Variants in SIRPB2 observed in about 807,000 individuals in gnomAD.
SIRPB2 encodes signal-regulatory protein beta-2.
SIRPB2 carries 18 observed loss-of-function variants against 27.1 expected under a neutral mutation model. The ratio of observed to expected loss-of-function variants is 0.66; its 90% CI spans 0.46 to 0.98. SIRPB2 has a LOEUF of 0.98. Among genes scored for constraint, SIRPB2 ranks in the 50% least tolerant of loss-of-function variants. The pLI is 0.00. For synonymous variants in SIRPB2, 150 were observed against 164.6 expected (o/e 0.91, Z 0.68); for missense variants, 420 against 417.4 (o/e 1.01, Z -0.06).
chr20:1,491,388 G>A lies in SIRPB2; in HGVS notation c.-29C>T. 1 of 1,591,460 alleles carries A rather than the reference G, an allele frequency of 6.3e-7. No homozygotes were observed. The highest frequency in any genetic ancestry group is 8.5e-7 in the Non-Finnish European group (1 of 1,169,924). ...ATCTTCTGTGGTCCCCAAGACTTGG[G>A]GCTCCTCTGCTCTCTTGTGAGTGTT... On this transcript the variant is annotated 5_prime_UTR_variant, in exon 1 of 5. Transcript: ENST00000359801.
downstream of SIRPB2, among the ~76,000 whole-genome samples, chr20:1,471,978 G>C (rs1339710836): frequency 1.3e-5 from 2 of 152,170 alleles, no homozygotes; most frequent in African/African-American, 4.8e-5. Flanking sequence ...GGGAAGGAAA[G>C]AGCTAAAGAA....
intron 1 of SIRPB2, among the ~76,000 whole-genome samples, chr20:1,486,870 T>C (rs932569848): frequency 6.6e-6 from 1 of 152,094 alleles, no homozygotes. Context: ...CTACAACAAC[T>C]CTATCAAGCT....
At chr20:1,478,628 C>T (rs754729088) in intron 2 of SIRPB2, 21 bp from the exon 3 acceptor site, 1 of 1,523,852 alleles carries the variant, frequency 6.6e-7, no homozygotes, top group East Asian at 2.3e-5. Context: ...AGAGGAGGTC[C>T]TTGTTGAATT....
At chr20:1,485,760 C>T (rs2090720035) in intron 1 of SIRPB2, among the ~76,000 whole-genome samples, 1 of 151,838 alleles carries the variant, frequency 6.6e-6, no homozygotes, top group Admixed American at 6.6e-5. Flanking sequence ...GGGACACACA[C>T]AGAAAGAACC....
rs941600021 is a variant in SIRPB2 at position 1,475,858 on chromosome 20, G to A, written c.*309C>T. The A allele has an allele frequency of 3.6e-6, 1 of 276,618 alleles. No individual in the cohort carries two copies. Among genetic ancestry groups the A allele is most frequent in the Non-Finnish European group, 6.9e-6 (1 of 145,940 alleles). 17.1% of individuals were successfully genotyped at this position (276,618 alleles called of 1,614,324 possible). Reference sequence around the variant, plus strand: ...TGTTGGAGGCCAAGAAGGATGTAGCGAGGTGGGGAAAGGGGCAGGGCGCAC... The same window carrying A: ...TGTTGGAGGCCAAGAAGGATGTAGCAAGGTGGGGAAAGGGGCAGGGCGCAC... On this transcript the variant is annotated 3_prime_UTR_variant, in exon 5 of 5. Transcript: ENST00000359801.
rs1347946787 is a variant in SIRPB2, at chr20:1,478,626, T to C, written c.452-19A>G. ...CCAGCTCCTGAAGCCAAAGAGGAGGTCCTTGTTGAATTCCCTCTCCTCTTC... is the reference window on the plus strand; with the variant it reads ...CCAGCTCCTGAAGCCAAAGAGGAGGCCCTTGTTGAATTCCCTCTCCTCTTC... On this transcript the variant is annotated intron_variant, in intron 2 of 4. Coordinates refer to ENST00000359801, the MANE Select transcript of SIRPB2 (RefSeq NM_001122962.2). 1.3e-6 allele frequency: 2 copies of C among 1,529,762 alleles called. No individual in the cohort carries two copies. Among genetic ancestry groups the C allele is most frequent in the Non-Finnish European group, 1.8e-6 (2 of 1,135,108 alleles). The allele number at this position is 1,529,762 out of a possible 1,614,324, so 94.8% of individuals were successfully genotyped here.
At chr20:1,480,445 C>A in intron 1 of SIRPB2, 1 of 199,722 alleles carries the variant, frequency 5.0e-6, no homozygotes. Flanking sequence ...TTGTGTCTCC[C>A]GAATGCACAT....
In SIRPB2 at chr20:1,476,335, G is replaced by T. The variant is rs756611904; in HGVS notation, c.861C>A (p.Gly287=). 6.2e-7 allele frequency: 1 copy of T among 1,611,450 alleles called. No homozygotes were observed. Among genetic ancestry groups the T allele is most frequent in the Non-Finnish European group, 8.5e-7 (1 of 1,179,174 alleles). ...CCACAGGTGCGAACACAACCAGGAG[G>T]CCTGGGAGGCACAGGAGAGAGCTCA... ...SEPATEMSPT[G]LLVVFAPVVL... Residue 287 remains glycine, a splice_region_variant and synonymous_variant, in exon 5 of 5, where the codon GGC becomes GGA. Coordinates refer to ENST00000359801, the MANE Select transcript of SIRPB2 (RefSeq NM_001122962.2).
intron 1 of SIRPB2, among the ~76,000 whole-genome samples, chr20:1,489,005 A>G (rs1356902814): frequency 6.6e-6 from 1 of 152,248 alleles, no homozygotes; most frequent in African/African-American, 2.4e-5. Context: ...GGGTTTATCC[A>G]TACAATGGAT....
intron 1 of SIRPB2, among the ~76,000 whole-genome samples, chr20:1,487,215 A>G (rs1195540903): frequency 6.6e-6 from 1 of 152,214 alleles, no homozygotes; most frequent in African/African-American, 2.4e-5. Context: ...CCAGTCATCA[A>G]TGTTATAAAA....
rs779550987 is a variant in SIRPB2 at position 1,477,351 on chromosome 20, C to T, written c.846G>A (p.Glu282=). The T allele has an allele frequency of 4.3e-6, 7 of 1,614,200 alleles. No individual in the cohort carries two copies. The highest frequency in any genetic ancestry group is 5.9e-6 in the Non-Finnish European group (7 of 1,180,036). The part of the protein sequence containing the change: ...EAEFTSEPAT[E]MSPTGLLVVF... Reference sequence around the variant, plus strand: ...GGGTACGCTCACCTGTTGGAGACATCTCAGTTGCAGGTTCACTGGTGAATT... The same window carrying T: ...GGGTACGCTCACCTGTTGGAGACATTTCAGTTGCAGGTTCACTGGTGAATT... Residue 282 remains glutamate, a synonymous_variant, in exon 4 of 5, where the codon GAG becomes GAA. Coordinates refer to ENST00000359801, the MANE Select transcript of SIRPB2 (RefSeq NM_001122962.2).
downstream of SIRPB2, chr20:1,472,978 A>T (rs962169585): frequency 6.6e-6 from 1 of 152,080 alleles, no homozygotes; most frequent in African/African-American, 2.4e-5. Flanking sequence ...TGTCTGCTCA[A>T]ATGTCACTTT....
Position 1,475,342 on chromosome 20 carries a change from G to A in SIRPB2, c.*825C>T, listed in dbSNP as rs1047670825. Reference sequence around the variant, plus strand: ...TTCTCTAGTGAAAACTTGCAGCTGGGCGCATTGCTGCCAGAAATAAAGACT... The same window carrying A: ...TTCTCTAGTGAAAACTTGCAGCTGGACGCATTGCTGCCAGAAATAAAGACT... On this transcript the variant is annotated 3_prime_UTR_variant, in exon 5 of 5. Coordinates refer to ENST00000359801, the MANE Select transcript of SIRPB2 (RefSeq NM_001122962.2). 1 of 152,236 alleles carries A rather than the reference G, an allele frequency of 6.6e-6. No individual in the cohort carries two copies. The highest frequency in any genetic ancestry group is 1.5e-5 in the Non-Finnish European group (1 of 68,054). 9.4% of individuals were successfully genotyped at this position (152,236 alleles called of 1,614,324 possible).
At chr20:1,474,032 G>A (rs1278933640), downstream of SIRPB2, among the ~76,000 whole-genome samples, 1 of 152,120 alleles carries the variant, frequency 6.6e-6, no homozygotes, top group Admixed American at 6.5e-5. Context: ...TCCTTAACCT[G>A]TGGTCACATA....
In SIRPB2 at chr20:1,476,073, G is replaced by A; in HGVS notation, c.*94C>T. 6 of 1,437,402 alleles carry A rather than the reference G, an allele frequency of 4.2e-6. No individual in the cohort carries two copies. The South Asian group carries it at 5.0e-5, about 12-fold the overall frequency. The allele number at this position is 1,437,402 out of a possible 1,614,324, so 89.0% of individuals were successfully genotyped here. A position where few individuals can be genotyped will look rare whatever the true frequency, so the allele number is the denominator to read the frequency against. The stretch of plus-strand genomic sequence containing the variant: ...ATCTAGGAGTTTGTCATGAGGCCTG[G>A]GGGCACCTAGAGGCTGGGACTGGAG... On this transcript the variant is annotated 3_prime_UTR_variant, in exon 5 of 5. Coordinates refer to ENST00000359801, the MANE Select transcript of SIRPB2 (RefSeq NM_001122962.2).
chr20:1,474,340 T>C (rs2090591800), downstream of SIRPB2, among the ~76,000 whole-genome samples: 1 of 152,248 alleles, frequency 6.6e-6, no homozygotes, highest in Admixed American at 6.5e-5. Flanking sequence ...CCCTCTCTAA[T>C]GTCTGGTAAT....
rs2123025154 is a variant in SIRPB2, at chr20:1,480,218, G to C, written c.86-153C>G. 1.9e-6 allele frequency: 2 copies of C among 1,030,930 alleles called. 1 individual carries two copies. Among genetic ancestry groups the C allele is most frequent in the East Asian group, 5.2e-5 (2 of 38,274 alleles). 63.9% of individuals were successfully genotyped at this position (1,030,930 alleles called of 1,614,324 possible). A position where few individuals can be genotyped will look rare whatever the true frequency, so the allele number is the denominator to read the frequency against. On this transcript the variant is annotated intron_variant, in intron 1 of 4. Transcript: ENST00000359801. Reference sequence around the variant, plus strand: ...GACAGGGAAGGGAAAGAGGGGATGAGATGGCTGGCTGCAGAGAGAGAACTG... The same window carrying C: ...GACAGGGAAGGGAAAGAGGGGATGACATGGCTGGCTGCAGAGAGAGAACTG...
Position 1,478,405 on chromosome 20 carries a change from C to A in SIRPB2, c.654G>T (p.Val218=), listed in dbSNP as rs760848229. The A allele has an allele frequency of 8.1e-6, 13 of 1,614,044 alleles. No individual in the cohort carries two copies. The Admixed American group carries it at 2.0e-4, about 25-fold the overall frequency. ...TGCTGAAGTCATTGTTGGAGGCCTG[C>A]ACCGCTGTCTCCTTGGGGTGGGAGA... The part of the protein sequence containing the change: ...GGISHPKETA[V]QASNNDFSIL... The change falls in exon 3 of 5, where the codon GTG becomes GTT. Residue 218 remains valine (V), a synonymous_variant. Coordinates refer to ENST00000359801, the MANE Select transcript of SIRPB2 (RefSeq NM_001122962.2).
intron 3 of SIRPB2, 172 bp downstream of exon 3, chr20:1,478,094 T>G: frequency 1.4e-6 from 1 of 726,648 alleles, no homozygotes; most frequent in Non-Finnish European, 2.5e-6. Context: ...GTGCTGGGCC[T>G]TGAAGGATGA....
Sources: gnomAD v4.1 joint callset for allele counts (sites outside exome capture counted in the v4.1 genomes callset) on GRCh38, gnomAD v4.1.1 for gene constraint, MANE v1.5 for transcripts, NCBI Gene and HGNC (gene_info 2026-07-23, HGNC 2026-07-21) for gene names.